GALNT6: variants seen among roughly 807,000 people sequenced by gnomAD.
The protein encoded by GALNT6 is GalNAc transferase 6.
A neutral mutation model predicts 65.9 loss-of-function variants in GALNT6; 51 were observed. The ratio of observed to expected loss-of-function variants is 0.77; its 90% CI spans 0.62 to 0.98. The LOEUF is 0.98. Ranked by LOEUF, GALNT6 falls within the 50% of genes least tolerant of loss-of-function variation. The pLI is 0.00. For missense variants in GALNT6, 708 were observed against 803.3 expected (o/e 0.88, Z 1.43); for synonymous variants, 323 against 315.1 (o/e 1.02, Z -0.26).
intron 2 of GALNT6, among the ~76,000 whole-genome samples, chr12:51,389,175 A>G (rs1005452371): frequency 2.0e-5 from 3 of 152,238 alleles, no homozygotes; most frequent in African/African-American, 7.2e-5. Context: ...GGGGCAGAGG[A>G]CTGTGTAAAG....
chr12:51,372,376 T>C (rs1247399666), intron 4 of GALNT6, among the ~76,000 whole-genome samples: 4 of 152,096 alleles, frequency 2.6e-5, no homozygotes, highest in Non-Finnish European at 4.4e-5. Context: ...GCCCAGCTAA[T>C]TTTTTATTTT....
At position 51,359,328 on chromosome 12, in the gene GALNT6, C is replaced by T; in HGVS notation, c.1172G>A (p.Trp391Ter). The change falls in exon 8 of 12, where the codon TGG (tryptophan) becomes TAG (stop). Residue 391 changes from tryptophan to a stop codon, truncating the protein, a stop_gained. Transcript: ENST00000356317. LOFTEE classifies it high-confidence loss of function. ...GATCTCCAGCTGGCCCCCACACTGC[C>T]ACACCTGATGTAAGAGGAGACAGGA... is the stretch of plus-strand genomic sequence containing the variant. ...GENVEMSFRV[W>*]QCGGQLEIIP... is the part of the protein sequence containing the mutation. The T allele has an allele frequency of 6.2e-7, 1 of 1,608,330 alleles. No individual in the cohort carries two copies. The highest frequency in any genetic ancestry group is 1.1e-5 in the South Asian group (1 of 90,464).
intron 4 of GALNT6, among the ~76,000 whole-genome samples, chr12:51,373,078 C>A (rs1006263710): frequency 1.3e-5 from 2 of 152,150 alleles, no homozygotes; most frequent in African/African-American, 4.8e-5. Context: ...TTTACAGGCT[C>A]ATAGGGGAAG....
chr12:51,377,150 C>T (rs1008549141), intron 4 of GALNT6, 45 bp downstream of exon 4: 2 of 1,578,626 alleles, frequency 1.3e-6, no homozygotes, highest in Non-Finnish European at 1.7e-6. Context: ...CTTTGAGTGC[C>T]CAGGGGAGAC....
intron 2 of GALNT6, among the ~76,000 whole-genome samples, chr12:51,389,109 A>G (rs920804479): frequency 1.4e-4 from 22 of 152,184 alleles, no homozygotes; most frequent in African/African-American, 5.3e-4. Flanking sequence ...CTGCTTATTC[A>G]AATCCTCACT....
At chr12:51,374,222 G>A (rs1947380452) in intron 4 of GALNT6, among the ~76,000 whole-genome samples, 1 of 148,896 alleles carries the variant, frequency 6.7e-6, no homozygotes, top group Non-Finnish European at 1.5e-5. Context: ...ATGCTGGAGT[G>A]CAATGGTGCA....
At chr12:51,361,977 G>A (rs1298819116) in intron 6 of GALNT6, among the ~76,000 whole-genome samples, 1 of 152,060 alleles carries the variant, frequency 6.6e-6, no homozygotes, top group Non-Finnish European at 1.5e-5. Flanking sequence ...TGTGACCCTG[G>A]TGTTACCCTG....
chr12:51,364,454 ACCTACT>A, intron 5 of GALNT6, 99 bp from the exon 6 acceptor site: 1 of 796,850 alleles, frequency 1.3e-6, no homozygotes. Flanking sequence ...GAGACAGTCC[ACCTACT>A]CCTGGGTTAC....
intron 5 of GALNT6, among the ~76,000 whole-genome samples, chr12:51,364,972 A>G (rs1240870810): frequency 6.6e-6 from 1 of 152,188 alleles, no homozygotes; most frequent in African/African-American, 2.4e-5. Context: ...CCCCTAATAT[A>G]TATCACCACT....
intron 10 of GALNT6, among the ~76,000 whole-genome samples, chr12:51,356,644 G>A (rs1268813422): frequency 6.6e-6 from 1 of 152,132 alleles, no homozygotes; most frequent in African/African-American, 2.4e-5. Flanking sequence ...GATTACAGGT[G>A]TGGGCTACCG....
At chr12:51,367,575 C>G (rs998468398) in intron 4 of GALNT6, among the ~76,000 whole-genome samples, 2 of 152,186 alleles carry the variant, frequency 1.3e-5, no homozygotes, top group Non-Finnish European at 2.9e-5. Flanking sequence ...AATGGAGTTG[C>G]CTGCAGTTTC....
rs536357224 is a variant in GALNT6, at chr12:51,367,249, C to T, written c.665-1670G>A. Among the ~76,000 whole-genome samples, 3 of 152,096 alleles carry T rather than the reference C, an allele frequency of 2.0e-5. No homozygotes were observed. In the East Asian group the frequency reaches 5.8e-4, roughly 29 times the overall value. Reference sequence around the variant, plus strand: ...TCCAGCCTGGGCAACAAGAGCGAAACTCCGTCTCAAAAAAACCAAAAACAA... The same window carrying T: ...TCCAGCCTGGGCAACAAGAGCGAAATTCCGTCTCAAAAAAACCAAAAACAA... On this transcript the variant is annotated intron_variant, in intron 4 of 11. Transcript: ENST00000356317.
At chr12:51,365,672 C>T in intron 4 of GALNT6, 93 bp from the exon 5 acceptor site, 2 of 1,316,850 alleles carry the variant, frequency 1.5e-6, no homozygotes, top group Non-Finnish European at 1.0e-6. Flanking sequence ...AGGCCTCTAG[C>T]AGGCCTGAAT....
intron 2 of GALNT6, among the ~76,000 whole-genome samples, chr12:51,380,288 C>G (rs963445383): frequency 1.3e-5 from 2 of 152,250 alleles, no homozygotes; most frequent in East Asian, 3.9e-4. Flanking sequence ...GAGGTATGTA[C>G]AAGAACATTT....
chr12:51,358,168 T>C lies in GALNT6; in HGVS notation c.1462A>G (p.Met488Val). ...SWYLHNVYPE[M>V]FVPDLTPTFY... is the part of the protein sequence containing the mutation. ...GTGGGCGTCAGGTCAGGAACAAACA[T>C]CTCTGGGTAGACATTGTGCAGGTAC... The change falls in exon 9 of 12, where the codon ATG (methionine) becomes GTG (valine). Residue 488 changes from methionine to valine, a missense_variant. By Grantham distance (21) the Met-to-Val change is conservative. Transcript: ENST00000356317. 6.2e-7 allele frequency: 1 copy of C among 1,614,062 alleles called. No homozygotes were observed. Among genetic ancestry groups the C allele is most frequent in the Non-Finnish European group, 8.5e-7 (1 of 1,179,944 alleles).
intron 2 of GALNT6, among the ~76,000 whole-genome samples, chr12:51,381,957 C>T (rs115702786): frequency 0.013 from 1,935 of 152,280 alleles, 39 homozygotes; most frequent in African/African-American, 0.045. Context: ...ATTGTTTAAA[C>T]GCACAAGCTC....
chr12:51,360,744 C>T lies in GALNT6; in HGVS notation c.1144G>A (p.Glu382Lys), dbSNP rs1592317953. The T allele has an allele frequency of 6.2e-7, 1 of 1,609,240 alleles. No individual in the cohort carries two copies. Among genetic ancestry groups the T allele is most frequent in the Non-Finnish European group, 8.5e-7 (1 of 1,175,542 alleles). ...ACCCGGAAGGACATTTCCACGTTCT[C>T]CCCTCCCCAGATCTCCATCTGATTA... ...YDNQMEIWGG[E>K]NVEMSFRVWQ... Residue 382 changes from glutamate to lysine, a missense_variant, in exon 7 of 12, where the codon GAG becomes AAG. Physicochemically the swap from Glu to Lys is moderately conservative, Grantham distance 56 (BLOSUM62 1). Coordinates refer to ENST00000356317, the MANE Select transcript of GALNT6 (RefSeq NM_007210.4).
intron 4 of GALNT6, among the ~76,000 whole-genome samples, chr12:51,368,237 G>T (rs1947174683): frequency 6.6e-6 from 1 of 151,956 alleles, no homozygotes; most frequent in African/African-American, 2.4e-5. Flanking sequence ...GTCACCCAAG[G>T]CCTTGCCATT....
chr12:51,359,109 C>T, intron 8 of GALNT6, 23 bp downstream of exon 8: 2 of 1,593,876 alleles, frequency 1.3e-6, no homozygotes, highest in Non-Finnish European at 1.7e-6. Flanking sequence ...ATCTAAACCT[C>T]TCCGAGAACC....
Sources: gnomAD v4.1 joint callset for allele counts (sites outside exome capture counted in the v4.1 genomes callset) on GRCh38, gnomAD v4.1.1 for gene constraint, MANE v1.5 for transcripts, NCBI Gene and HGNC (gene_info 2026-07-23, HGNC 2026-07-21) for gene names.